LHFPL5: variants seen among roughly 807,000 people sequenced by gnomAD.
The protein encoded by LHFPL5 is LHFPL tetraspan subfamily member 5.
A neutral mutation model predicts 18.7 loss-of-function variants in LHFPL5; 12 were observed. That is an observed-to-expected ratio of 0.64 (90% CI 0.41 to 1.04). LHFPL5 has a LOEUF of 1.04. LHFPL5 is among the 50% of genes least tolerant of loss of function. The pLI is 0.00. For missense variants in LHFPL5, 259 were observed against 292.1 expected, an observed-to-expected ratio of 0.89 and a Z score of 0.83; for synonymous variants, 111 against 120.2, an observed-to-expected ratio of 0.92 and a Z score of 0.50.
chr6:35,819,866 G>A, intron 3 of LHFPL5: 1 of 272,174 alleles, frequency 3.7e-6, no homozygotes, highest in South Asian at 4.2e-5. Flanking sequence ...TTTAGTAGAA[G>A]CGGGGTTTCA....
chr6:35,819,645 T>C (rs944751290), intron 3 of LHFPL5, 182 bp downstream of exon 3: 1 of 641,174 alleles, frequency 1.6e-6, no homozygotes, highest in African/African-American at 1.8e-5. Flanking sequence ...AGACCCTCAC[T>C]GGGGAGCAAA....
chr6:35,820,338 ATTTATCT>A lies in LHFPL5; in HGVS notation c.*16+880_*16+886del, dbSNP rs540695124. On this transcript the variant is annotated intron_variant, in intron 3 of 3. Coordinates refer to ENST00000360215, the MANE Select transcript of LHFPL5 (RefSeq NM_182548.4). ...GTTTAAAAAGAAGCGCAACATATTC[ATTTATCT>A]TTTAAGTTTCCAAACATTTGTTAAA... Among the ~76,000 whole-genome samples, 20 of 152,320 alleles carry A rather than the reference ATTTATCT, an allele frequency of 1.3e-4. 1 individual carries two copies. The South Asian group carries it at 1.4e-3, about 11-fold the overall frequency.
intron 1 of LHFPL5, among the ~76,000 whole-genome samples, chr6:35,808,772 C>A (rs985462615): frequency 6.6e-6 from 1 of 151,656 alleles, no homozygotes; most frequent in African/African-American, 2.4e-5. Flanking sequence ...CCTGAAACAT[C>A]CCCCAACAGG....
Position 35,805,715 on chromosome 6 carries a change from T to C in LHFPL5, c.45T>C (p.His15=), listed in dbSNP as rs1187779262. 6 of 1,614,038 alleles carry C rather than the reference T, an allele frequency of 3.7e-6. No individual in the cohort carries two copies. The highest frequency in any genetic ancestry group is 2.7e-5 in the African/African-American group (2 of 74,918). ...CCCAGGAGGCAGCCAAGATCTACCATACCAACTATGTGCGGAACTCGCGAG... is the reference window on the plus strand; with the variant it reads ...CCCAGGAGGCAGCCAAGATCTACCACACCAACTATGTGCGGAACTCGCGAG... ...LPAQEAAKIY[H]TNYVRNSRAV... Residue 15 remains histidine, a synonymous_variant, in exon 1 of 4, where the codon CAT becomes CAC. Transcript: ENST00000360215. The surrounding 1 kb of genome is among the most constrained non-coding windows in gnomAD (Gnocchi z 4.3).
At position 35,805,938 on chromosome 6, in the gene LHFPL5, C is replaced by T; in HGVS notation, c.268C>T (p.Pro90Ser). The T allele has an allele frequency of 6.2e-7, 1 of 1,614,256 alleles. No individual in the cohort carries two copies. Among genetic ancestry groups the T allele is most frequent in the Non-Finnish European group, 8.5e-7 (1 of 1,180,052 alleles). ...CGGCCCCCTAGACTTCTCCTCCATC[C>T]CCTCTAGAGCCTTCAAGACTGCCAT... ...KGGPLDFSSI[P>S]SRAFKTAMFF... The change falls in exon 1 of 4, where the codon CCC becomes TCC. Residue 90 changes from proline (P) to serine (S), a missense_variant. By Grantham distance (74) the Pro-to-Ser change is moderately conservative. Coordinates refer to ENST00000360215, the MANE Select transcript of LHFPL5 (RefSeq NM_182548.4). The surrounding 1 kb of genome is among the most constrained non-coding windows in gnomAD (Gnocchi z 4.3).
intron 1 of LHFPL5, among the ~76,000 whole-genome samples, chr6:35,807,136 T>G (rs546663442): frequency 6.6e-6 from 1 of 152,210 alleles, no homozygotes. Flanking sequence ...CCTAGGGTCC[T>G]TTAAAACAAT....
In LHFPL5 at chr6:35,805,754, G is replaced by A. The variant is rs370902662; in HGVS notation, c.84G>A (p.Met28Ile). Reference protein sequence around the residue: ...YVRNSRAVGVMWGTLTICFSV... With the variant: ...YVRNSRAVGVIWGTLTICFSV... ...GGAACTCGCGAGCCGTGGGCGTGAT[G>A]TGGGGTACCCTCACCATCTGCTTCT... The change falls in exon 1 of 4, where the codon ATG (methionine) becomes ATA (isoleucine). Residue 28 changes from methionine (M) to isoleucine (I), a missense_variant. Physicochemically the swap from Met to Ile is conservative, Grantham distance 10. Coordinates refer to ENST00000360215, the MANE Select transcript of LHFPL5 (RefSeq NM_182548.4). The surrounding 1 kb of genome is among the most constrained non-coding windows in gnomAD (Gnocchi z 4.3). 1 of 1,614,238 alleles carries A rather than the reference G, an allele frequency of 6.2e-7. No individual in the cohort carries two copies. Among genetic ancestry groups the A allele is most frequent in the African/African-American group, 1.3e-5 (1 of 75,078 alleles).
intron 1 of LHFPL5, among the ~76,000 whole-genome samples, chr6:35,809,448 A>G (rs1347813367): frequency 6.6e-6 from 1 of 152,070 alleles, no homozygotes; most frequent in Non-Finnish European, 1.5e-5. Context: ...ACATGGTGAA[A>G]AGAGGATGAC....
At chr6:35,806,812 T>TTTG (rs958926834) in intron 1 of LHFPL5, among the ~76,000 whole-genome samples, 3 of 152,062 alleles carry the variant, frequency 2.0e-5, no homozygotes, top group East Asian at 1.9e-4. Context: ...TTAGGGTCCT[T>TTTG]TTGTTGTTGT....
chr6:35,805,829 C>T lies in LHFPL5; in HGVS notation c.159C>T (p.Ser53=), dbSNP rs1581967367. The T allele has an allele frequency of 6.2e-7, 1 of 1,614,234 alleles. No individual in the cohort carries two copies. Among genetic ancestry groups the T allele is most frequent in the Non-Finnish European group, 8.5e-7 (1 of 1,180,040 alleles). Residue 53 remains serine, a synonymous_variant, in exon 1 of 4, where the codon AGC becomes AGT. Coordinates refer to ENST00000360215, the MANE Select transcript of LHFPL5 (RefSeq NM_182548.4). This position sits in a 1 kb window ranked among gnomAD's most constrained non-coding sequence, Gnocchi z 4.3. The part of the protein sequence containing the change: ...LFIQPYWIGD[S]VNTPQAGYFG... ...TCCAGCCCTACTGGATCGGCGACAGCGTCAACACACCGCAGGCAGGCTACT... is the reference window on the plus strand; with the variant it reads ...TCCAGCCCTACTGGATCGGCGACAGTGTCAACACACCGCAGGCAGGCTACT...
intron 3 of LHFPL5, among the ~76,000 whole-genome samples, chr6:35,822,681 G>A (rs372750081): frequency 6.6e-6 from 1 of 151,998 alleles, no homozygotes; most frequent in Admixed American, 6.6e-5. Flanking sequence ...CTAATTTTTT[G>A]TATTTTTAGG....
chr6:35,809,228 C>A (rs1482703840), intron 1 of LHFPL5, among the ~76,000 whole-genome samples: 1 of 152,170 alleles, frequency 6.6e-6, no homozygotes. Context: ...GTCTTGGTAA[C>A]CTCATGTCTT....
chr6:35,823,884 T>C lies in LHFPL5; in HGVS notation c.*919T>C, dbSNP rs1458934692. On this transcript the variant is annotated 3_prime_UTR_variant, in exon 4 of 4. Transcript: ENST00000360215. Reference sequence around the variant, plus strand: ...TTTTTTTTTTTCAAAAACTTTGGATTTGGCATATAGTCATCTATAGGGGGA... The same window carrying C: ...TTTTTTTTTTTCAAAAACTTTGGATCTGGCATATAGTCATCTATAGGGGGA... 1.3e-5 allele frequency: 2 copies of C among 152,158 alleles called. No individual in the cohort carries two copies. Among genetic ancestry groups the C allele is most frequent in the Non-Finnish European group, 2.9e-5 (2 of 68,006 alleles). The allele number at this position is 152,158 out of a possible 1,614,324, so 9.4% of individuals were successfully genotyped here.
At chr6:35,822,198 T>C (rs961982000) in intron 3 of LHFPL5, among the ~76,000 whole-genome samples, 1 of 151,984 alleles carries the variant, frequency 6.6e-6, no homozygotes, top group Non-Finnish European at 1.5e-5. Context: ...TGGTGTACCA[T>C]TTTTTAAACC....
Position 35,814,677 on chromosome 6 carries a change from G to T in LHFPL5, c.544G>T (p.Ala182Ser). 1 of 1,614,150 alleles carries T rather than the reference G, an allele frequency of 6.2e-7. No homozygotes were observed. The highest frequency in any genetic ancestry group is 8.5e-7 in the Non-Finnish European group (1 of 1,180,016). The change falls in exon 2 of 4, where the codon GCC (alanine) becomes TCC (serine). Residue 182 changes from alanine to serine, a missense_variant. Coordinates refer to ENST00000360215, the MANE Select transcript of LHFPL5 (RefSeq NM_182548.4). This position sits in a 1 kb window ranked among gnomAD's most constrained non-coding sequence, Gnocchi z 4.2. ...HCTIRWAFML[A>S]ILSIGDALIL... ...CACCATCCGCTGGGCCTTCATGCTG[G>T]CCATCCTCAGCATTGGCGACGCCCT...
In LHFPL5 at chr6:35,805,799, C is replaced by A. The variant is rs755515980; in HGVS notation, c.129C>A (p.Leu43=). 2 of 1,614,136 alleles carry A rather than the reference C, an allele frequency of 1.2e-6. No individual in the cohort carries two copies. Among genetic ancestry groups the A allele is most frequent in the Admixed American group, 1.7e-5 (1 of 60,008 alleles). ...TICFSVLVMA[L]FIQPYWIGDS... ...GCTTCTCCGTACTGGTCATGGCCCT[C>A]TTCATCCAGCCCTACTGGATCGGCG... Residue 43 remains leucine, a synonymous_variant, in exon 1 of 4, where the codon CTC becomes CTA. Coordinates refer to ENST00000360215, the MANE Select transcript of LHFPL5 (RefSeq NM_182548.4). This position sits in a 1 kb window ranked among gnomAD's most constrained non-coding sequence, Gnocchi z 4.3.
At chr6:35,816,727 G>T (rs1345981743) in intron 2 of LHFPL5, among the ~76,000 whole-genome samples, 1 of 150,130 alleles carries the variant, frequency 6.7e-6, no homozygotes, top group Non-Finnish European at 1.5e-5. Flanking sequence ...CAGGAGAATG[G>T]CATAAACCCA....
At chr6:35,819,599 C>G (rs912816629) in intron 3 of LHFPL5, 136 bp downstream of exon 3, 2 of 805,762 alleles carry the variant, frequency 2.5e-6, no homozygotes, top group African/African-American at 1.7e-5. Context: ...GAGAGAGGAC[C>G]AACACCCCAC....
intron 1 of LHFPL5, among the ~76,000 whole-genome samples, chr6:35,808,442 G>T (rs1042891114): frequency 6.8e-6 from 1 of 146,516 alleles, no homozygotes; most frequent in Non-Finnish European, 1.5e-5. Context: ...GAGCTCAGGA[G>T]TTCGAGACCA....
Sources: allele counts gnomAD v4.1 joint callset (sites outside exome capture counted in the v4.1 genomes callset), GRCh38; gene constraint gnomAD v4.1.1; non-coding constraint Gnocchi (gnomAD v3.1); transcripts MANE v1.5; gene names NCBI Gene and HGNC (gene_info 2026-07-23, HGNC 2026-07-21).